The following DPYD variants were observed in gnomAD, a reference collection of about 807,000 sequenced individuals.
DPYD encodes dihydropyrimidine dehydrogenase, also known as dihydropyrimidine dehydrogenase [NADP(+)].
DPYD carries 109 observed loss-of-function variants against 116.2 expected under a neutral mutation model. The observed-to-expected ratio is 0.94, with a 90% CI of 0.80 to 1.10. The LOEUF (loss-of-function observed/expected upper bound fraction) is 1.10, where lower values mean the gene tolerates loss of function less well. Ranked by LOEUF, DPYD falls within the 50% of genes least tolerant of loss-of-function variation. The pLI is 0.00. For missense variants in DPYD, 1,302 were observed against 1,254.5 expected, an observed-to-expected ratio of 1.04 and a Z score of -0.57; for synonymous variants, 440 against 432.0, an observed-to-expected ratio of 1.02 and a Z score of -0.23.
intron 20 of DPYD, among the ~76,000 whole-genome samples, chr1:97,173,291 T>TACACATATATGC (rs1656920277): frequency 5.7e-5 from 5 of 87,762 alleles, no homozygotes; most frequent in East Asian, 1.7e-3. Context: ...CACATATATG[T>TACACATATATGC]ACACATATGT....
chr1:97,595,466 G>T (rs1160091592), intron 8 of DPYD, among the ~76,000 whole-genome samples: 1 of 151,606 alleles, frequency 6.6e-6, no homozygotes. Context: ...GGAAAATCAG[G>T]TTATATTCTT....
chr1:97,364,807 C>G (rs917142144), intron 16 of DPYD, among the ~76,000 whole-genome samples: 1 of 152,104 alleles, frequency 6.6e-6, no homozygotes, highest in Non-Finnish European at 1.5e-5. Context: ...GCCAATACTC[C>G]TAAGTTGTAA....
intron 13 of DPYD, among the ~76,000 whole-genome samples, chr1:97,476,604 A>G (rs1320273694): frequency 2.0e-5 from 3 of 152,220 alleles, no homozygotes; most frequent in African/African-American, 7.2e-5. Flanking sequence ...ATTAGGCAAT[A>G]GGAAGTACCA....
intron 5 of DPYD, chr1:97,720,358 G>T: frequency 1.0e-6 from 1 of 985,548 alleles, no homozygotes; most frequent in Non-Finnish European, 1.2e-6. Flanking sequence ...AAAGAAAAGT[G>T]AGGAGGAATT....
intron 8 of DPYD, among the ~76,000 whole-genome samples, chr1:97,607,511 T>C (rs1034325520): frequency 1.3e-5 from 2 of 151,740 alleles, no homozygotes; most frequent in African/African-American, 4.8e-5. Flanking sequence ...TGAAAATTGT[T>C]AGCAAAAAAA....
intron 20 of DPYD, among the ~76,000 whole-genome samples, chr1:97,188,262 C>T (rs1658132765): frequency 6.6e-6 from 1 of 152,022 alleles, no homozygotes; most frequent in South Asian, 2.1e-4. Flanking sequence ...ATTAATATCA[C>T]CAATATGTAT....
At chr1:97,318,886 A>G (rs941351901) in intron 16 of DPYD, among the ~76,000 whole-genome samples, 1 of 149,378 alleles carries the variant, frequency 6.7e-6, no homozygotes, top group African/African-American at 2.5e-5. Context: ...ACTATCTCTC[A>G]GACAACAGTG....
chr1:97,465,339 T>A (rs1234974105), intron 13 of DPYD, among the ~76,000 whole-genome samples: 2 of 152,168 alleles, frequency 1.3e-5, no homozygotes, highest in African/African-American at 4.8e-5. Flanking sequence ...TGAAATGAGT[T>A]AAGATTCTGG....
intron 16 of DPYD, among the ~76,000 whole-genome samples, chr1:97,368,864 T>C (rs1018849786): frequency 2.0e-5 from 3 of 152,232 alleles, no homozygotes; most frequent in Non-Finnish European, 4.4e-5. Context: ...CTTGTTATTG[T>C]TGCATGACAA....
chr1:97,471,968 A>G (rs1167832237), intron 13 of DPYD, among the ~76,000 whole-genome samples: 1 of 152,212 alleles, frequency 6.6e-6, no homozygotes, highest in Non-Finnish European at 1.5e-5. Flanking sequence ...TGGAAAATGT[A>G]AAAAAAGAGA....
intron 8 of DPYD, among the ~76,000 whole-genome samples, chr1:97,595,979 C>T (rs139452515): frequency 6.6e-6 from 1 of 152,084 alleles, no homozygotes; most frequent in Non-Finnish European, 1.5e-5. Flanking sequence ...TGGAAATATA[C>T]ATTGGTGTTC....
At chr1:97,899,773 C>T (rs900161648) in intron 1 of DPYD, among the ~76,000 whole-genome samples, 22 of 152,030 alleles carry the variant, frequency 1.4e-4, no homozygotes, top group African/African-American at 4.6e-4. Context: ...GAGATTGATA[C>T]GTGGTCATGG....
At chr1:97,165,055 C>T (rs1432474178) in intron 20 of DPYD, among the ~76,000 whole-genome samples, 1 of 151,960 alleles carries the variant, frequency 6.6e-6, no homozygotes, top group Non-Finnish European at 1.5e-5. Flanking sequence ...CAATGATATT[C>T]TTCACAGAAC....
intron 18 of DPYD, among the ~76,000 whole-genome samples, chr1:97,283,373 A>G (rs6692946): frequency 0.077 from 11,649 of 152,098 alleles, 1,001 homozygotes; most frequent in African/African-American, 0.21. Context: ...CTTAGTTATT[A>G]TAATTTTGAA....
chr1:97,758,634 T>A (rs1358634414), intron 3 of DPYD, among the ~76,000 whole-genome samples: 1 of 152,200 alleles, frequency 6.6e-6, no homozygotes, highest in Non-Finnish European at 1.5e-5. Flanking sequence ...ATATAGAATG[T>A]TTCCAGCTTC....
At chr1:97,604,221 AC>A (rs1655436428) in intron 8 of DPYD, among the ~76,000 whole-genome samples, 1 of 152,172 alleles carries the variant, frequency 6.6e-6, no homozygotes, top group Non-Finnish European at 1.5e-5. Context: ...TGGCTCTGTT[AC>A]TTATATAGCT....
At chr1:97,193,431 A>C (rs1044398012) in intron 19 of DPYD, among the ~76,000 whole-genome samples, 183 bp from the exon 20 acceptor site, 4 of 152,150 alleles carry the variant, frequency 2.6e-5, no homozygotes, top group Admixed American at 6.5e-5. Flanking sequence ...AACACAAGGA[A>C]ATTTCCAGGG....
intron 19 of DPYD, among the ~76,000 whole-genome samples, chr1:97,230,337 C>T (rs754851454): frequency 1.3e-5 from 2 of 152,090 alleles, no homozygotes; most frequent in South Asian, 4.1e-4. Flanking sequence ...TTTGCAGGGA[C>T]CTGGAGGGAG....
chr1:97,674,663 A>G (rs1285316592), intron 8 of DPYD, among the ~76,000 whole-genome samples: 3 of 152,064 alleles, frequency 2.0e-5, no homozygotes, highest in Admixed American at 2.0e-4. Flanking sequence ...AACTTTAAAA[A>G]AAAAAAAAGG....
Sources: gnomAD v4.1 joint callset for allele counts (sites outside exome capture counted in the v4.1 genomes callset) on GRCh38, gnomAD v4.1.1 for gene constraint, MANE v1.5 for transcripts, NCBI Gene and HGNC (gene_info 2026-07-23, HGNC 2026-07-21) for gene names.